RTN1: variants seen among roughly 807,000 people sequenced by gnomAD.
RTN1 encodes reticulon 1, also known as reticulon-1.
In RTN1, 25 loss-of-function variants were observed where a neutral mutation model predicts 65.5. The observed-to-expected ratio is 0.38, with a 90% CI of 0.28 to 0.53. The LOEUF is 0.53. Among genes scored for constraint, RTN1 ranks in the 20% least tolerant of loss-of-function variants. The pLI is 0.79. For synonymous variants in RTN1, 471 were observed against 447.6 expected (o/e 1.05, Z -0.66); for missense variants, 983 against 1,025.4 (o/e 0.96, Z 0.57).
intron 1 of RTN1, among the ~76,000 whole-genome samples, chr14:59,822,783 G>A (rs527421176): frequency 2.0e-5 from 3 of 151,638 alleles, no homozygotes; most frequent in Non-Finnish European, 2.9e-5. Context: ...TCAGGAGCAG[G>A]TTGTTTAATT....
chr14:59,862,302 C>T (rs1297478871), intron 1 of RTN1, among the ~76,000 whole-genome samples: 2 of 152,138 alleles, frequency 1.3e-5, no homozygotes, highest in African/African-American at 4.8e-5. Flanking sequence ...CTGTAATTCC[C>T]AGGATCTGTC....
intron 3 of RTN1, among the ~76,000 whole-genome samples, chr14:59,661,095 G>T (rs1363060738): frequency 6.6e-6 from 1 of 151,876 alleles, no homozygotes; most frequent in African/African-American, 2.4e-5. Flanking sequence ...TACTGTCAGA[G>T]AATACTATAA....
intron 3 of RTN1, among the ~76,000 whole-genome samples, chr14:59,673,260 C>A (rs1048183723): frequency 1.3e-5 from 2 of 152,082 alleles, no homozygotes; most frequent in African/African-American, 4.8e-5. Context: ...CTTTTGTGTT[C>A]CGTGAGTGGG....
chr14:59,808,786 G>C (rs1357769148), intron 1 of RTN1, among the ~76,000 whole-genome samples: 1 of 152,038 alleles, frequency 6.6e-6, no homozygotes, highest in Non-Finnish European at 1.5e-5. Flanking sequence ...CATGCAACCT[G>C]GTCATTTAAA....
chr14:59,814,211 T>C (rs754264861), intron 1 of RTN1, among the ~76,000 whole-genome samples: 1 of 152,102 alleles, frequency 6.6e-6, no homozygotes, highest in Non-Finnish European at 1.5e-5. Context: ...AACACACACA[T>C]TAGCAGAAAA....
chr14:59,693,006 G>A (rs999400862), intron 3 of RTN1, among the ~76,000 whole-genome samples: 6 of 152,062 alleles, frequency 3.9e-5, no homozygotes, highest in South Asian at 2.1e-4. Flanking sequence ...TAACCCCATC[G>A]TGACGATATT....
intron 3 of RTN1, among the ~76,000 whole-genome samples, chr14:59,682,516 C>T (rs973527379): frequency 2.6e-5 from 4 of 152,036 alleles, no homozygotes; most frequent in Non-Finnish European, 5.9e-5. Context: ...CTTTGTATCT[C>T]CCAGCTTCTG....
chr14:59,706,624 G>A (rs191871441), intron 3 of RTN1, among the ~76,000 whole-genome samples: 11 of 152,220 alleles, frequency 7.2e-5, no homozygotes, highest in African/African-American at 1.7e-4. Context: ...GTGTGCACAC[G>A]TGTGAGCAAA....
chr14:59,868,672 T>C lies in RTN1; in HGVS notation c.241+1718A>G, dbSNP rs922035249. 9.8e-5 allele frequency among the ~76,000 whole-genome samples: 15 copies of C among 152,346 alleles called. No individual in the cohort carries two copies. The highest frequency in any genetic ancestry group is 3.6e-4 in the African/African-American group (15 of 41,578). On this transcript the variant is annotated intron_variant, in intron 1 of 8. Transcript: ENST00000267484. This position sits in a 1 kb window ranked among gnomAD's most constrained non-coding sequence, Gnocchi z 4.0. ...AAATATATATTCTAAGCATTTCCTA[T>C]ATAATAACTTTTGTGGATATGTTAC...
intron 1 of RTN1, among the ~76,000 whole-genome samples, chr14:59,773,553 A>C (rs1393390841): frequency 1.3e-5 from 2 of 152,130 alleles, no homozygotes; most frequent in African/African-American, 4.8e-5. Flanking sequence ...TAAGCCTTTA[A>C]GTATTTTCTG....
At chr14:59,640,119 T>C (rs933269906) in intron 3 of RTN1, among the ~76,000 whole-genome samples, 1 of 152,190 alleles carries the variant, frequency 6.6e-6, no homozygotes, top group African/African-American at 2.4e-5. Flanking sequence ...TGTAAGATGG[T>C]ATTATTTCAT....
chr14:59,630,576 C>T (rs1882522458), intron 3 of RTN1: 4 of 1,600,350 alleles, frequency 2.5e-6, no homozygotes, highest in Admixed American at 3.3e-5. Context: ...CGTTGGTGCC[C>T]GGCTGCTGCG....
intron 1 of RTN1, among the ~76,000 whole-genome samples, chr14:59,806,207 G>T (rs1886633892): frequency 6.6e-6 from 1 of 151,780 alleles, no homozygotes; most frequent in African/African-American, 2.4e-5. Flanking sequence ...CTGCACTCCA[G>T]CCTGGTGACA....
At chr14:59,853,275 A>G (rs1224209644) in intron 1 of RTN1, among the ~76,000 whole-genome samples, 3 of 152,160 alleles carry the variant, frequency 2.0e-5, no homozygotes, top group Admixed American at 6.5e-5. Flanking sequence ...ACTCTGCTAC[A>G]TATCTCCAGT....
Position 59,764,413 on chromosome 14 carries a change from T to C in RTN1, c.242-17932A>G, listed in dbSNP as rs560466976. ...TCGGCTCACTGCAACCTCCGCCTCC[T>C]AGGTTCAAGCAGTTCTCCTGCCTCA... is the stretch of plus-strand genomic sequence containing the variant. On this transcript the variant is annotated intron_variant, in intron 1 of 8. Transcript: ENST00000267484. Among the ~76,000 whole-genome samples the C allele has an allele frequency of 2.0e-4, 30 of 151,920 alleles. No homozygotes were observed. The South Asian group carries it at 2.9e-3, about 15-fold the overall frequency.
chr14:59,714,202 C>T (rs979904548), intron 3 of RTN1, among the ~76,000 whole-genome samples: 1 of 150,760 alleles, frequency 6.6e-6, no homozygotes, highest in Admixed American at 6.6e-5. Flanking sequence ...GCCATTGCCT[C>T]CAGCCTAAGT....
chr14:59,838,825 A>G lies in RTN1; in HGVS notation c.241+31565T>C, dbSNP rs569438816. On this transcript the variant is annotated intron_variant, in intron 1 of 8. Transcript: ENST00000267484. Reference sequence around the variant, plus strand: ...CCATATGTAATATTTTGGCCATTAAAGGCACACATAATTGAGAAGATTAAG... The same window carrying G: ...CCATATGTAATATTTTGGCCATTAAGGGCACACATAATTGAGAAGATTAAG... 5.6e-4 allele frequency among the ~76,000 whole-genome samples: 86 copies of G among 152,294 alleles called. 2 individuals are homozygous for G. The South Asian group carries it at 0.017, about 30-fold the overall frequency.
chr14:59,600,837 T>C (rs1881556600), intron 8 of RTN1, among the ~76,000 whole-genome samples: 1 of 152,220 alleles, frequency 6.6e-6, no homozygotes, highest in South Asian at 2.1e-4. Context: ...AATTGTAATT[T>C]AACAAGTACA....
chr14:59,814,217 GA>G (rs1196966566), intron 1 of RTN1, among the ~76,000 whole-genome samples: 1 of 152,164 alleles, frequency 6.6e-6, no homozygotes, highest in Non-Finnish European at 1.5e-5. Context: ...CACATTAGCA[GA>G]AAAATACCCC....
Sources: allele counts gnomAD v4.1 joint callset (sites outside exome capture counted in the v4.1 genomes callset), GRCh38; gene constraint gnomAD v4.1.1; non-coding constraint Gnocchi (gnomAD v3.1); transcripts MANE v1.5; gene names NCBI Gene and HGNC (gene_info 2026-07-23, HGNC 2026-07-21).